The following SLC22A4 variants were observed in gnomAD, a reference collection of about 807,000 sequenced individuals.
SLC22A4 encodes ET transporter.
Under a neutral mutation model 56.6 loss-of-function variants are expected in SLC22A4, and 39 were observed. The observed-to-expected ratio is 0.69, with a 90% CI of 0.53 to 0.90. The LOEUF (loss-of-function observed/expected upper bound fraction) is 0.90. SLC22A4 is among the 40% of genes least tolerant of loss of function. SLC22A4 has a pLI of 0.00. For synonymous variants in SLC22A4, 241 were observed against 281.4 expected (o/e 0.86, Z 1.44); for missense variants, 594 against 696.5 (o/e 0.85, Z 1.66).
intron 1 of SLC22A4, among the ~76,000 whole-genome samples, chr5:132,306,387 ATAT>A (rs1750032705): frequency 3.8e-4 from 8 of 21,160 alleles, no homozygotes; most frequent in African/African-American, 1.8e-3. Context: ...ACCGTGAAAT[ATAT>A]ATATATATAT....
intron 1 of SLC22A4, among the ~76,000 whole-genome samples, chr5:132,307,275 ACTT>A (rs1424543287): frequency 3.3e-5 from 5 of 152,176 alleles, no homozygotes; most frequent in African/African-American, 1.2e-4. Context: ...ATTAACTACT[ACTT>A]CTTACTTTTC....
At position 132,294,929 on chromosome 5, in the gene SLC22A4, C is replaced by A. The variant is rs780199805; in HGVS notation, c.313C>A (p.Leu105Met). The part of the protein sequence containing the change: ...LGLEPGRDVD[L>M]GQLEQESCLD... ...GCTGGAGCCGGGGCGCGACGTGGAC[C>A]TGGGGCAGCTGGAGCAGGAGAGCTG... The change falls in exon 1 of 10, where the codon CTG (leucine) becomes ATG (methionine). Residue 105 changes from leucine to methionine, a missense_variant. Coordinates refer to ENST00000200652, the MANE Select transcript of SLC22A4 (RefSeq NM_003059.3). The surrounding 1 kb of genome is among the most constrained non-coding windows in gnomAD (Gnocchi z 5.6). 3 of 1,600,224 alleles carry A rather than the reference C, an allele frequency of 1.9e-6. No individual in the cohort carries two copies. Among genetic ancestry groups the A allele is most frequent in the South Asian group, 2.2e-5 (2 of 89,608 alleles).
intron 1 of SLC22A4, among the ~76,000 whole-genome samples, chr5:132,308,016 T>C (rs2126706474): frequency 6.6e-6 from 1 of 152,358 alleles, no homozygotes; most frequent in African/African-American, 2.4e-5. Flanking sequence ...TGTTCAATAT[T>C]CATTCAACAA....
At position 132,322,360 on chromosome 5, in the gene SLC22A4, G is replaced by T; in HGVS notation, c.824+5G>T. ...GCTGTGTGTCCCGCTGTGGTGGTGA[G>T]TGTGACTCGTCCCCAGACAGGCCCT... On this transcript the variant is annotated splice_donor_5th_base_variant and intron_variant, in intron 4 of 9. Coordinates refer to ENST00000200652, the MANE Select transcript of SLC22A4 (RefSeq NM_003059.3). The T allele has an allele frequency of 6.2e-7, 1 of 1,613,150 alleles. No individual in the cohort carries two copies.
rs763973178 is a variant in SLC22A4 at position 132,294,639 on chromosome 5, T to C, written c.23T>C (p.Ile8Thr). 7.4e-6 allele frequency: 12 copies of C among 1,614,132 alleles called. No homozygotes were observed. The East Asian group carries it at 8.9e-5, about 12-fold the overall frequency. Residue 8 changes from isoleucine (I) to threonine (T), a missense_variant, in exon 1 of 10, where the codon ATC becomes ACC. Physicochemically the swap from Ile to Thr is moderately conservative, Grantham distance 89. Transcript: ENST00000200652. This position sits in a 1 kb window ranked among gnomAD's most constrained non-coding sequence, Gnocchi z 5.6. MRDYDEV[I>T]AFLGEWGPFQ... ...AGCATGCGGGACTACGACGAGGTGA[T>C]CGCCTTCCTGGGCGAGTGGGGGCCC...
At chr5:132,300,670 T>C (rs772052355) in intron 1 of SLC22A4, among the ~76,000 whole-genome samples, 1 of 152,238 alleles carries the variant, frequency 6.6e-6, no homozygotes, top group Admixed American at 6.5e-5. Flanking sequence ...AAGTTATTTT[T>C]CACTTTAAGG....
At chr5:132,322,468 C>A in intron 4 of SLC22A4, 113 bp downstream of exon 4, 1 of 1,028,582 alleles carries the variant, frequency 9.7e-7, no homozygotes, top group Non-Finnish European at 1.5e-6. Context: ...ACGGAACTCG[C>A]GGAGGCCAGC....
chr5:132,319,507 T>A (rs772479581), intron 3 of SLC22A4, among the ~76,000 whole-genome samples: 11 of 152,154 alleles, frequency 7.2e-5, no homozygotes, highest in Admixed American at 2.0e-4. Flanking sequence ...CACCACTTAT[T>A]ATGTGCATGA....
rs1006306275 is a variant in SLC22A4 at position 132,335,883 on chromosome 5, A to G, written c.1327A>G (p.Met443Val). Residue 443 changes from methionine to valine, a missense_variant, in exon 8 of 10, where the codon ATG becomes GTG. By Grantham distance (21) the Met-to-Val change is conservative (BLOSUM62 1). Coordinates refer to ENST00000200652, the MANE Select transcript of SLC22A4 (RefSeq NM_003059.3). ...ATTTGGGATCACCTCTGCTTTCTCC[A>G]TGCTGTATGTCTTCACTGCTGAGCT... ...GKFGITSAFS[M>V]LYVFTAELYP... 1 of 1,614,076 alleles carries G rather than the reference A, an allele frequency of 6.2e-7. No individual in the cohort carries two copies. Among genetic ancestry groups the G allele is most frequent in the Non-Finnish European group, 8.5e-7 (1 of 1,179,982 alleles).
intron 1 of SLC22A4, among the ~76,000 whole-genome samples, chr5:132,297,318 A>AAAAC (rs1383699885): frequency 4.0e-5 from 6 of 151,188 alleles, no homozygotes; most frequent in Admixed American, 6.6e-5. Context: ...ACTGTGTCTC[A>AAAAC]AAACAAACAA....
chr5:132,299,343 G>A (rs965487441), intron 1 of SLC22A4, among the ~76,000 whole-genome samples: 5 of 152,134 alleles, frequency 3.3e-5, no homozygotes, highest in Non-Finnish European at 5.9e-5. Context: ...GGTTGATTGT[G>A]AGGTCCAAGT....
At chr5:132,302,461 T>C (rs888944779) in intron 1 of SLC22A4, among the ~76,000 whole-genome samples, 4 of 152,176 alleles carry the variant, frequency 2.6e-5, no homozygotes, top group African/African-American at 4.8e-5. Context: ...GTTTTATGCA[T>C]GTCTCTGGAG....
intron 4 of SLC22A4, among the ~76,000 whole-genome samples, chr5:132,325,359 AC>A (rs975574416): frequency 2.6e-5 from 4 of 152,244 alleles, no homozygotes; most frequent in African/African-American, 9.6e-5. Context: ...CTCAATAGCT[AC>A]ATGTGGTTAG....
chr5:132,295,022 C>T lies in SLC22A4; in HGVS notation c.393+13C>T. On this transcript the variant is annotated intron_variant, in intron 1 of 9. Transcript: ENST00000200652. ...CGTCGTGACCGAGGTGGGTGCCAGGCCGAGACCGTTGACCCGGGAGTGCCT... is the reference window on the plus strand; with the variant it reads ...CGTCGTGACCGAGGTGGGTGCCAGGTCGAGACCGTTGACCCGGGAGTGCCT... 6.2e-7 allele frequency: 1 copy of T among 1,600,668 alleles called. No homozygotes were observed. The highest frequency in any genetic ancestry group is 1.3e-5 in the African/African-American group (1 of 74,832).
chr5:132,302,342 G>C (rs1298419534), intron 1 of SLC22A4, among the ~76,000 whole-genome samples: 1 of 152,154 alleles, frequency 6.6e-6, no homozygotes, highest in Admixed American at 6.5e-5. Context: ...GGGAGCTGCA[G>C]GTACCTTGGG....
chr5:132,314,228 G>A (rs76582866), intron 3 of SLC22A4, among the ~76,000 whole-genome samples: 3,473 of 152,232 alleles, frequency 0.023, 91 homozygotes, highest in African/African-American at 0.063. Context: ...GTGCCAGCCC[G>A]CCATCACTGG....
At position 132,343,956 on chromosome 5, in the gene SLC22A4, C is replaced by T. The variant is rs1369544279; in HGVS notation, c.*121C>T. The T allele has an allele frequency of 1.5e-6, 1 of 662,580 alleles. No individual in the cohort carries two copies. The highest frequency in any genetic ancestry group is 1.8e-5 in the African/African-American group (1 of 54,600). 41.0% of individuals were successfully genotyped at this position (662,580 alleles called of 1,614,324 possible). ...TTGACACCAAAATGAACCTTGCTAT[C>T]AAGAAATGCTCGTCATACAGTAAAC... On this transcript the variant is annotated 3_prime_UTR_variant, in exon 10 of 10. Coordinates refer to ENST00000200652, the MANE Select transcript of SLC22A4 (RefSeq NM_003059.3).
At chr5:132,317,230 A>T (rs1750388988) in intron 3 of SLC22A4, among the ~76,000 whole-genome samples, 1 of 152,224 alleles carries the variant, frequency 6.6e-6, no homozygotes, top group Non-Finnish European at 1.5e-5. Context: ...TGATATTCAC[A>T]CTTTTAAAGT....
chr5:132,338,404 T>G (rs1751091089), intron 8 of SLC22A4, among the ~76,000 whole-genome samples: 1 of 152,226 alleles, frequency 6.6e-6, no homozygotes, highest in Non-Finnish European at 1.5e-5. Flanking sequence ...TTAAAATTGC[T>G]AATGAAGTTT....
Sources: gnomAD v4.1 joint callset for allele counts (sites outside exome capture counted in the v4.1 genomes callset) on GRCh38, gnomAD v4.1.1 for gene constraint, Gnocchi (gnomAD v3.1) non-coding constraint, MANE v1.5 for transcripts, NCBI Gene and HGNC (gene_info 2026-07-23, HGNC 2026-07-21) for gene names.